RNASE10: variants seen among roughly 807,000 people sequenced by gnomAD.
RNASE10 encodes inactive ribonuclease-like protein 10.
In RNASE10, 2 loss-of-function variants were observed where a neutral mutation model predicts 1.1. The ratio of observed to expected loss-of-function variants is 1.82; its 90% CI spans 0.74 to 5.73. The LOEUF (loss-of-function observed/expected upper bound fraction) is 5.73. RNASE10 is among the 30% of genes most tolerant of loss of function. The pLI is 0.05. For missense variants in RNASE10, 276 were observed against 263.4 expected, an observed-to-expected ratio of 1.05 and a Z score of -0.33; for synonymous variants, 97 against 96.2, an observed-to-expected ratio of 1.01 and a Z score of -0.05.
chr14:20,511,068 G>A, exon 2 of RNASE10: 2 of 1,523,970 alleles, frequency 1.3e-6, no homozygotes, highest in South Asian at 1.3e-5. Context: ...TTATAAAAAA[G>A]CACATTATTA....
chr14:20,506,457 GC>G (rs1308889557), intron 1 of RNASE10, among the ~76,000 whole-genome samples: 1 of 127,012 alleles, frequency 7.9e-6, no homozygotes, highest in African/African-American at 3.1e-5. Context: ...TCAGCCCCCT[GC>G]CCGGCCAGCC....
chr14:20,505,014 T>TG (rs1882653949), upstream of RNASE10, among the ~76,000 whole-genome samples: 1 of 151,898 alleles, frequency 6.6e-6, no homozygotes, highest in Non-Finnish European at 1.5e-5. Flanking sequence ...TCTGATCAAT[T>TG]GCTAGAGGAG....
At chr14:20,507,023 T>A (rs868354768) in intron 1 of RNASE10, among the ~76,000 whole-genome samples, 7 of 143,102 alleles carry the variant, frequency 4.9e-5, no homozygotes, top group South Asian at 2.3e-4. Flanking sequence ...CCAGCCGCCC[T>A]GTCCGGGAGG....
chr14:20,509,404 T>C (rs921534186), intron 1 of RNASE10, among the ~76,000 whole-genome samples: 1 of 152,246 alleles, frequency 6.6e-6, no homozygotes, highest in Non-Finnish European at 1.5e-5. Context: ...TTGATTTTCT[T>C]TGGTTTCATT....
rs1406502038 is a variant in RNASE10 at position 20,509,862 on chromosome 14, C to T, written c.80-605C>T. ...TTGATGTCAGGGGCATGGTGGCTCA[C>T]ACTTGTAATCCCAGCACTTTGGCCA... is the stretch of plus-strand genomic sequence containing the variant. On this transcript the variant is annotated intron_variant, in intron 1 of 1. Coordinates refer to ENST00000430083, the Ensembl canonical transcript of RNASE10. 2.0e-5 allele frequency among the ~76,000 whole-genome samples: 3 copies of T among 150,146 alleles called. No individual in the cohort carries two copies. The East Asian group carries it at 5.9e-4, about 29-fold the overall frequency.
chr14:20,504,760 C>T (rs1882648481), upstream of RNASE10, among the ~76,000 whole-genome samples: 1 of 147,608 alleles, frequency 6.8e-6, no homozygotes, highest in Non-Finnish European at 1.5e-5. Flanking sequence ...CAGACAGCAT[C>T]ACCACAGCAT....
chr14:20,511,662 G>A (rs1882902975), downstream of RNASE10, among the ~76,000 whole-genome samples: 1 of 152,162 alleles, frequency 6.6e-6, no homozygotes, highest in African/African-American at 2.4e-5. Context: ...GGTCTGCTGG[G>A]GAGGTGGTGT....
At chr14:20,504,687 C>CAAAA (rs71112507), upstream of RNASE10, among the ~76,000 whole-genome samples, 616 of 44,498 alleles carry the variant, frequency 0.014, 31 homozygotes, top group African/African-American at 0.044. Flanking sequence ...GACTCCGTCT[C>CAAAA]AAAAAAAAAA....
chr14:20,512,552 G>T (rs1882922753), downstream of RNASE10, among the ~76,000 whole-genome samples: 1 of 152,206 alleles, frequency 6.6e-6, no homozygotes, highest in Non-Finnish European at 1.5e-5. Flanking sequence ...GACCTGGCTT[G>T]CATTTTCCTG....
At chr14:20,506,827 C>A (rs1882744531) in intron 1 of RNASE10, among the ~76,000 whole-genome samples, 1 of 125,150 alleles carries the variant, frequency 8.0e-6, no homozygotes. Flanking sequence ...GGATCAGCCC[C>A]CCGCCTGGCC....
chr14:20,506,764 G>A (rs112369398), intron 1 of RNASE10, among the ~76,000 whole-genome samples: 122 of 111,648 alleles, frequency 1.1e-3, no homozygotes, highest in South Asian at 1.3e-3. Context: ...GAGGGAGGTG[G>A]GGGGGGTCAG....
chr14:20,506,359 A>G (rs1374273506), intron 1 of RNASE10, among the ~76,000 whole-genome samples: 1 of 108,648 alleles, frequency 9.2e-6, no homozygotes, highest in Non-Finnish European at 1.9e-5. Context: ...CCGGGAGGTG[A>G]GGGGCGCCTC....
exon 2 of RNASE10, chr14:20,510,650 A>G: frequency 6.2e-7 from 1 of 1,614,110 alleles, no homozygotes; most frequent in Non-Finnish European, 8.5e-7. Context: ...GAGGAGGGAG[A>G]CGGCACCCAA....
intron 1 of RNASE10, among the ~76,000 whole-genome samples, chr14:20,508,091 C>T (rs2139368282): frequency 6.6e-6 from 1 of 152,260 alleles, no homozygotes; most frequent in South Asian, 2.1e-4. Context: ...TCTCTGTAAA[C>T]ACACACATGT....
chr14:20,510,983 G>A lies in RNASE10; in HGVS notation c.596G>A (p.Arg199Gln), dbSNP rs375918997. 2.0e-5 allele frequency: 32 copies of A among 1,602,182 alleles called. No individual in the cohort carries two copies. The highest frequency in any genetic ancestry group is 1.9e-4 in the African/African-American group (14 of 74,712). ...GGGGGAAAATGTCACAAAAGCTCCC[G>A]ACCTTTTGATTTGACATTGTGCGAG... Residue 199 changes from arginine to glutamine, a missense_variant, in exon 2 of 2, where the codon CGA becomes CAA. Arg to Gln is a conservative substitution (Grantham distance 43). Coordinates refer to ENST00000430083, the Ensembl canonical transcript of RNASE10.
At chr14:20,508,565 G>A (rs991952921) in intron 1 of RNASE10, among the ~76,000 whole-genome samples, 3 of 152,052 alleles carry the variant, frequency 2.0e-5, no homozygotes, top group Non-Finnish European at 2.9e-5. Flanking sequence ...AGTAATAGCC[G>A]CAAAGTGCAA....
intron 1 of RNASE10, among the ~76,000 whole-genome samples, chr14:20,507,117 C>T (rs1398666109): frequency 2.0e-5 from 3 of 148,240 alleles, no homozygotes; most frequent in South Asian, 2.2e-4. Context: ...GAGGTGTGCC[C>T]AGCGGCTCAT....
At chr14:20,505,215 C>G (rs982323935), upstream of RNASE10, among the ~76,000 whole-genome samples, 28 of 140,220 alleles carry the variant, frequency 2.0e-4, no homozygotes, top group African/African-American at 6.8e-4. Context: ...GTTTAGAAAC[C>G]CCAAAAGAAT....
intron 1 of RNASE10, among the ~76,000 whole-genome samples, chr14:20,506,547 T>G (rs1484479719): frequency 3.6e-5 from 4 of 109,890 alleles, no homozygotes; most frequent in African/African-American, 1.5e-4. Flanking sequence ...GGGGCGCCTC[T>G]GCCCGGCCGC....
Sources: allele counts gnomAD v4.1 joint callset (sites outside exome capture counted in the v4.1 genomes callset), GRCh38; gene constraint gnomAD v4.1.1; transcripts MANE v1.5; gene names NCBI Gene and HGNC (gene_info 2026-07-23, HGNC 2026-07-21).